The following DLG1 variants were observed in gnomAD, a reference collection of about 807,000 sequenced individuals.
DLG1 encodes the protein disks large homolog 1.
A neutral mutation model predicts 123.4 loss-of-function variants in DLG1; 42 were observed. The ratio of observed to expected loss-of-function variants is 0.34; its 90% CI spans 0.27 to 0.44. DLG1 has a LOEUF of 0.44. Among genes scored for constraint, DLG1 ranks in the 20% least tolerant of loss-of-function variants. DLG1 has a pLI of 1.00. For synonymous variants in DLG1, 317 were observed against 356.2 expected, an observed-to-expected ratio of 0.89 and a Z score of 1.24; for missense variants, 942 against 1,082.6, an observed-to-expected ratio of 0.87 and a Z score of 1.82.
intron 4 of DLG1, among the ~76,000 whole-genome samples, chr3:197,201,598 G>A (rs376631515): frequency 1.3e-5 from 2 of 152,120 alleles, no homozygotes; most frequent in East Asian, 3.9e-4. Flanking sequence ...AAATACCTAC[G>A]AATATATTCA....
chr3:197,242,034 T>C (rs895156689), intron 4 of DLG1, among the ~76,000 whole-genome samples: 2 of 152,078 alleles, frequency 1.3e-5, no homozygotes, highest in East Asian at 3.8e-4. Context: ...CAAGACCCAA[T>C]TCCATGCTGT....
chr3:197,162,794 C>T (rs563067035), intron 5 of DLG1, among the ~76,000 whole-genome samples: 183 of 152,118 alleles, frequency 1.2e-3, no homozygotes, highest in African/African-American at 4.2e-3. Context: ...ATCTTTGTGA[C>T]CGTGGATTTG....
intron 11 of DLG1, among the ~76,000 whole-genome samples, chr3:197,128,554 T>C (rs1780937700): frequency 6.6e-6 from 1 of 152,260 alleles, no homozygotes; most frequent in African/African-American, 2.4e-5. Flanking sequence ...GAATCATGAA[T>C]GTCCTTAAAG....
At chr3:197,173,965 C>A (rs575024357) in intron 5 of DLG1, among the ~76,000 whole-genome samples, 137 of 152,280 alleles carry the variant, frequency 9.0e-4, no homozygotes, top group Non-Finnish European at 1.7e-3. Context: ...CATCTGTAAT[C>A]CCAGCTACTT....
Position 197,119,740 on chromosome 3 carries a change from C to T in DLG1, c.1166-210G>A, listed in dbSNP as rs551156875. ...TGAAGTGATACTCCCACCTCAGCCT[C>T]CCAAAGTGTTGGGATTACAGGCATA... On this transcript the variant is annotated intron_variant, in intron 11 of 24. Coordinates refer to ENST00000667157, the MANE Select transcript of DLG1 (RefSeq NM_001366207.1). 4.6e-5 allele frequency among the ~76,000 whole-genome samples: 7 copies of T among 152,254 alleles called. No homozygotes were observed. The South Asian group carries it at 1.5e-3, about 32-fold the overall frequency.
chr3:197,132,016 A>G (rs1579972489), intron 10 of DLG1, among the ~76,000 whole-genome samples: 1 of 152,260 alleles, frequency 6.6e-6, no homozygotes, highest in Middle Eastern at 3.4e-3. Context: ...TGTCAATTTC[A>G]TCTAAGTTAC....
At chr3:197,266,203 T>TG (rs1448945087) in intron 4 of DLG1, among the ~76,000 whole-genome samples, 1 of 151,896 alleles carries the variant, frequency 6.6e-6, no homozygotes, top group Non-Finnish European at 1.5e-5. Flanking sequence ...TTCATCCAAA[T>TG]TATCAAGCAT....
intron 7 of DLG1, among the ~76,000 whole-genome samples, chr3:197,140,533 A>G (rs760600500): frequency 2.0e-5 from 3 of 152,164 alleles, no homozygotes; most frequent in Non-Finnish European, 2.9e-5. Context: ...AGTATGTGCA[A>G]CTTGTCGTTG....
intron 14 of DLG1, among the ~76,000 whole-genome samples, chr3:197,091,526 A>AGTTT (rs1757726390): frequency 6.6e-6 from 1 of 152,054 alleles, no homozygotes; most frequent in Non-Finnish European, 1.5e-5. Context: ...TGCCTTAAAC[A>AGTTT]AGTGATAAAC....
In DLG1 at chr3:197,176,403, C is replaced by T. The variant is rs189945411; in HGVS notation, c.483+18022G>A. Among the ~76,000 whole-genome samples, 47 of 152,170 alleles carry T rather than the reference C, an allele frequency of 3.1e-4. No homozygotes were observed. The East Asian group carries it at 6.6e-3, about 21-fold the overall frequency. On this transcript the variant is annotated intron_variant, in intron 5 of 24. Transcript: ENST00000667157. ...TTTGACATGTGTTTAATGACGTTTC[C>T]GCCATTATAGTATCATACAGAATGG...
Position 197,136,624 on chromosome 3 carries a change from T to C in DLG1, c.938A>G (p.Asn313Ser). 5 of 1,613,602 alleles carry C rather than the reference T, an allele frequency of 3.1e-6. No individual in the cohort carries two copies. Among genetic ancestry groups the C allele is most frequent in the Non-Finnish European group, 4.2e-6 (5 of 1,179,740 alleles). The stretch of plus-strand genomic sequence containing the variant: ...AATTATTTTGGTTACATAGATGCTA[T>C]TATCCCCAGGAATATGCTGATTTCC... ...GVGNQHIPGD[N>S]SIYVTKIIEG... is the part of the protein sequence containing the mutation. Residue 313 changes from asparagine (N) to serine (S), a missense_variant, in exon 10 of 25, where the codon AAT becomes AGT. Physicochemically the swap from Asn to Ser is conservative, Grantham distance 46 (BLOSUM62 1). Coordinates refer to ENST00000667157, the MANE Select transcript of DLG1 (RefSeq NM_001366207.1).
At chr3:197,252,157 T>A (rs4916467) in intron 4 of DLG1, among the ~76,000 whole-genome samples, 22,559 of 151,962 alleles carry the variant, frequency 0.15, 1,752 homozygotes, top group African/African-American at 0.19. Context: ...AAGCTGGAGG[T>A]AGGAATAAAA....
chr3:197,205,265 G>T (rs1178221065), intron 4 of DLG1, among the ~76,000 whole-genome samples: 2 of 151,854 alleles, frequency 1.3e-5, no homozygotes, highest in Non-Finnish European at 2.9e-5. Context: ...TCCAAAACTG[G>T]CCATGACTGA....
At chr3:197,097,069 C>T (rs538845156) in intron 14 of DLG1, among the ~76,000 whole-genome samples, 10 of 152,160 alleles carry the variant, frequency 6.6e-5, no homozygotes, top group Non-Finnish European at 1.3e-4. Context: ...CTTTACTTAC[C>T]CCCATTAATC....
In DLG1 at chr3:197,115,740, T is replaced by C. The variant is rs555406782; in HGVS notation, c.1443+187A>G. Among the ~76,000 whole-genome samples the C allele has an allele frequency of 2.0e-5, 3 of 152,320 alleles. No homozygotes were observed. The South Asian group carries it at 6.2e-4, about 32-fold the overall frequency. ...AGCACATTTATAAAAACTGACCCCT[T>C]TCTATAAAAGAACACCTATTATATA... On this transcript the variant is annotated intron_variant, in intron 13 of 24. Transcript: ENST00000667157.
Position 197,080,454 on chromosome 3 carries a change from C to CT in DLG1, c.1905+596dup, listed in dbSNP as rs35708797. 228 of 97,484 alleles carry CT rather than the reference C, an allele frequency of 2.3e-3. 3 individuals are homozygous for CT. The highest frequency in any genetic ancestry group is 0.019 in the East Asian group (53 of 2,782). 6.0% of individuals were successfully genotyped at this position (97,484 alleles called of 1,614,324 possible). A position where few individuals can be genotyped will look rare whatever the true frequency, so the allele number is the denominator to read the frequency against. ...CCATCACGCCTGGCTAATTTTTTAC[C>CT]TTTTTTTTTTTTTTTTTTTTTTTAA... On this transcript the variant is annotated intron_variant, in intron 17 of 24. Coordinates refer to ENST00000667157, the MANE Select transcript of DLG1 (RefSeq NM_001366207.1).
chr3:197,201,363 G>T (rs561322989), intron 4 of DLG1, among the ~76,000 whole-genome samples: 7 of 152,178 alleles, frequency 4.6e-5, no homozygotes, highest in Admixed American at 4.6e-4. Context: ...CAGCCTGGGC[G>T]ACAGAGTGAG....
At chr3:197,084,747 AT>A (rs5855563) in intron 16 of DLG1, among the ~76,000 whole-genome samples, 36,392 of 151,158 alleles carry the variant, frequency 0.24, 5,589 homozygotes, top group East Asian at 0.72. Context: ...ATTATTTTTA[AT>A]TTTTTTATGT....
chr3:197,254,318 G>T (rs535371064), intron 4 of DLG1, among the ~76,000 whole-genome samples: 1 of 152,284 alleles, frequency 6.6e-6, no homozygotes, highest in South Asian at 2.1e-4. Flanking sequence ...AAGAACCAAT[G>T]AAAGACACAA....
Sources: allele counts gnomAD v4.1 joint callset (sites outside exome capture counted in the v4.1 genomes callset), GRCh38; gene constraint gnomAD v4.1.1; transcripts MANE v1.5; gene names NCBI Gene and HGNC (gene_info 2026-07-23, HGNC 2026-07-21).